Variants in RASAL2 observed in about 807,000 individuals in gnomAD.
RASAL2 encodes the protein ras GTPase-activating protein nGAP.
RASAL2 carries 58 observed loss-of-function variants against 128.9 expected under a neutral mutation model. The observed-to-expected ratio is 0.45, with a 90% confidence interval of 0.36 to 0.56. The LOEUF (loss-of-function observed/expected upper bound fraction) is 0.56. Ranked by LOEUF, RASAL2 falls within the 20% of genes least tolerant of loss-of-function variation. The pLI is 0.00. For missense variants in RASAL2, 1,360 were observed against 1,601.6 expected, an observed-to-expected ratio of 0.85 and a Z score of 2.57; for synonymous variants, 561 against 580.8, an observed-to-expected ratio of 0.97 and a Z score of 0.49.
At chr1:178,250,411 G>A (rs558381550) in intron 1 of RASAL2, among the ~76,000 whole-genome samples, 5 of 152,180 alleles carry the variant, frequency 3.3e-5, no homozygotes, top group South Asian at 2.1e-4. Flanking sequence ...CAGCAATGGC[G>A]GACGCCCCAA....
At chr1:178,194,037 A>C (rs538995644) in intron 1 of RASAL2, among the ~76,000 whole-genome samples, 1 of 152,308 alleles carries the variant, frequency 6.6e-6, no homozygotes, top group East Asian at 1.9e-4. Flanking sequence ...TTTATTGCCA[A>C]AGGACTTGTA....
At chr1:178,432,667 T>A (rs1042352490) in intron 5 of RASAL2, among the ~76,000 whole-genome samples, 1 of 152,030 alleles carries the variant, frequency 6.6e-6, no homozygotes, top group Non-Finnish European at 1.5e-5. Context: ...TTTCACCCAG[T>A]GTTTCAAGCC....
chr1:178,221,666 A>T (rs1663617369), intron 1 of RASAL2, among the ~76,000 whole-genome samples: 1 of 152,160 alleles, frequency 6.6e-6, no homozygotes, highest in Non-Finnish European at 1.5e-5. Flanking sequence ...GGTGTGTTTT[A>T]TGACCTAGAA....
intron 2 of RASAL2, among the ~76,000 whole-genome samples, chr1:178,296,621 C>T (rs1667518380): frequency 6.6e-6 from 1 of 151,558 alleles, no homozygotes; most frequent in Admixed American, 6.6e-5. Context: ...CCTTGACCTC[C>T]CAAAGTGCTG....
chr1:178,099,986 G>T (rs1196223646), intron 1 of RASAL2, among the ~76,000 whole-genome samples: 5 of 151,862 alleles, frequency 3.3e-5, no homozygotes, highest in Non-Finnish European at 7.4e-5. Context: ...CATACCAAGT[G>T]GTATAAAGAC....
chr1:178,388,246 G>A (rs1672698483), intron 3 of RASAL2, among the ~76,000 whole-genome samples: 1 of 152,078 alleles, frequency 6.6e-6, no homozygotes, highest in African/African-American at 2.4e-5. Context: ...ATCTAACTTG[G>A]ATAATTACTC....
At chr1:178,358,237 T>TAAAAAAAAAAAAAAA (rs71567191) in intron 3 of RASAL2, among the ~76,000 whole-genome samples, 1 of 34,770 alleles carries the variant, frequency 2.9e-5, no homozygotes, top group African/African-American at 6.6e-5. Context: ...CTCTGTCTCC[T>TAAAAAAAAAAAAAAA]AAAAAAAAAA....
chr1:178,254,164 T>C (rs1665200181), intron 1 of RASAL2, among the ~76,000 whole-genome samples: 1 of 152,212 alleles, frequency 6.6e-6, no homozygotes, highest in Non-Finnish European at 1.5e-5. Flanking sequence ...TGCTGTTGTC[T>C]CTGTGTGAGA....
At chr1:178,314,423 A>G (rs994355283) in intron 3 of RASAL2, among the ~76,000 whole-genome samples, 1 of 152,202 alleles carries the variant, frequency 6.6e-6, no homozygotes, top group East Asian at 1.9e-4. Context: ...GCAGCTTCCT[A>G]CTTTAGATTA....
chr1:178,446,069 TC>T (rs1676979009), intron 9 of RASAL2, among the ~76,000 whole-genome samples: 2 of 152,206 alleles, frequency 1.3e-5, no homozygotes, highest in Admixed American at 1.3e-4. Context: ...GTGAAGAAAC[TC>T]TTGCCACTTC....
intron 9 of RASAL2, among the ~76,000 whole-genome samples, chr1:178,449,301 G>A (rs1162371251): frequency 6.6e-6 from 1 of 151,966 alleles, no homozygotes; most frequent in African/African-American, 2.4e-5. Flanking sequence ...TTGCACCTTG[G>A]TATCCTGTGA....
intron 1 of RASAL2, among the ~76,000 whole-genome samples, chr1:178,220,847 A>C (rs1663589248): frequency 1.3e-5 from 2 of 152,348 alleles, no homozygotes; most frequent in South Asian, 4.1e-4. Flanking sequence ...GTTGCTTCCA[A>C]GTTTTGGCAA....
chr1:178,409,802 A>G (rs1674242265), intron 4 of RASAL2, among the ~76,000 whole-genome samples: 1 of 152,218 alleles, frequency 6.6e-6, no homozygotes, highest in Non-Finnish European at 1.5e-5. Context: ...GCAACTGGGC[A>G]TGACATGTAC....
intron 2 of RASAL2, among the ~76,000 whole-genome samples, chr1:178,296,586 CT>C (rs1667517174): frequency 6.6e-6 from 1 of 151,022 alleles, no homozygotes; most frequent in Non-Finnish European, 1.5e-5. Flanking sequence ...GGGTCTTGAA[CT>C]TTTGGCCTCA....
chr1:178,350,037 T>G (rs1037228105), intron 3 of RASAL2, among the ~76,000 whole-genome samples: 2 of 152,214 alleles, frequency 1.3e-5, no homozygotes, highest in Non-Finnish European at 2.9e-5. Context: ...TTAAAACACA[T>G]GTGTTTAGTT....
chr1:178,392,357 G>A (rs1672965140), intron 4 of RASAL2, among the ~76,000 whole-genome samples: 1 of 152,172 alleles, frequency 6.6e-6, no homozygotes, highest in Non-Finnish European at 1.5e-5. Flanking sequence ...AAGACACACA[G>A]TCATGGGATG....
chr1:178,149,569 T>G (rs1017888920), intron 1 of RASAL2, among the ~76,000 whole-genome samples: 6 of 151,946 alleles, frequency 3.9e-5, no homozygotes, highest in Non-Finnish European at 1.5e-5. Flanking sequence ...GTGCATTAAT[T>G]TTTAATGTAC....
At chr1:178,202,408 C>T (rs547143852) in intron 1 of RASAL2, among the ~76,000 whole-genome samples, 2 of 152,208 alleles carry the variant, frequency 1.3e-5, no homozygotes, top group African/African-American at 2.4e-5. Flanking sequence ...GATGGTTCTG[C>T]ACAATATGCA....
At chr1:178,418,747 A>G (rs1310221527) in intron 4 of RASAL2, among the ~76,000 whole-genome samples, 1 of 152,216 alleles carries the variant, frequency 6.6e-6, no homozygotes, top group Non-Finnish European at 1.5e-5. Flanking sequence ...AGTACCTGGT[A>G]GTACTATATA....
Sources: gnomAD v4.1 joint callset for allele counts (sites outside exome capture counted in the v4.1 genomes callset) on GRCh38, gnomAD v4.1.1 for gene constraint, MANE v1.5 for transcripts, NCBI Gene and HGNC (gene_info 2026-07-23, HGNC 2026-07-21) for gene names.